Variants in ZNF385D observed in about 807,000 individuals in gnomAD.
ZNF385D encodes zinc finger protein 385D.
A neutral mutation model predicts 35.8 loss-of-function variants in ZNF385D; 15 were observed. That is an observed-to-expected ratio of 0.42 (90% confidence interval 0.28 to 0.64). ZNF385D has a LOEUF of 0.64. Among genes scored for constraint, ZNF385D ranks in the 30% least tolerant of loss-of-function variants. The pLI is 0.23. For missense variants in ZNF385D, 474 were observed against 494.6 expected (o/e 0.96, Z 0.39); for synonymous variants, 212 against 186.8 (o/e 1.13, Z -1.10).
At chr3:22,050,441 G>T (rs78078979) in intron 3 of ZNF385D, among the ~76,000 whole-genome samples, 28 of 152,238 alleles carry the variant, frequency 1.8e-4, no homozygotes, top group African/African-American at 6.5e-4. Context: ...AAAATGTTTG[G>T]TAGAATTAAG....
intron 3 of ZNF385D, among the ~76,000 whole-genome samples, chr3:22,098,853 T>C (rs1218120031): frequency 6.6e-6 from 1 of 151,990 alleles, no homozygotes; most frequent in Non-Finnish European, 1.5e-5. Context: ...AACAGGCGAA[T>C]ATAGAAAATA....
At chr3:21,924,932 A>G (rs1700649491) in intron 3 of ZNF385D, among the ~76,000 whole-genome samples, 1 of 152,136 alleles carries the variant, frequency 6.6e-6, no homozygotes, top group Non-Finnish European at 1.5e-5. Context: ...GTGTCAGAGG[A>G]AGCCAGCTAA....
chr3:22,006,178 T>C (rs1199244640), intron 3 of ZNF385D, among the ~76,000 whole-genome samples: 1 of 152,148 alleles, frequency 6.6e-6, no homozygotes, highest in Non-Finnish European at 1.5e-5. Context: ...GAACACATTT[T>C]AGATAAACCT....
intron 1 of ZNF385D, among the ~76,000 whole-genome samples, chr3:21,736,504 A>G (rs2069248914): frequency 6.6e-6 from 1 of 152,230 alleles, no homozygotes; most frequent in African/African-American, 2.4e-5. Context: ...CTTTGGTTTT[A>G]TAACTACCTT....
chr3:21,854,951 G>C (rs1696625931), intron 3 of ZNF385D, among the ~76,000 whole-genome samples: 1 of 151,858 alleles, frequency 6.6e-6, no homozygotes, highest in Non-Finnish European at 1.5e-5. Flanking sequence ...AATTCACTCA[G>C]CAAACATTAA....
intron 3 of ZNF385D, among the ~76,000 whole-genome samples, chr3:21,885,917 T>C (rs1347434073): frequency 6.6e-6 from 1 of 152,044 alleles, no homozygotes; most frequent in Non-Finnish European, 1.5e-5. Flanking sequence ...CTTTGTCTAT[T>C]AAGGTCTTCA....
chr3:22,095,631 C>T (rs1401524606), intron 3 of ZNF385D, among the ~76,000 whole-genome samples: 1 of 150,426 alleles, frequency 6.6e-6, no homozygotes, highest in Non-Finnish European at 1.5e-5. Flanking sequence ...TTCCTGAGTG[C>T]AGTGTATAAA....
chr3:22,187,651 A>T (rs1409860853), intron 2 of ZNF385D, among the ~76,000 whole-genome samples: 1 of 152,152 alleles, frequency 6.6e-6, no homozygotes, highest in Non-Finnish European at 1.5e-5. Flanking sequence ...ATTTAACATT[A>T]AACTTGAAAA....
chr3:22,288,028 A>G (rs1406666326), intron 2 of ZNF385D, among the ~76,000 whole-genome samples: 2 of 152,036 alleles, frequency 1.3e-5, no homozygotes, highest in East Asian at 3.9e-4. Context: ...CTGGCATATT[A>G]ATCTTGACAG....
chr3:22,128,830 T>A (rs1254084612), intron 3 of ZNF385D, among the ~76,000 whole-genome samples: 2 of 152,186 alleles, frequency 1.3e-5, no homozygotes, highest in Non-Finnish European at 2.9e-5. Flanking sequence ...CTGAGCTTCC[T>A]CAAAACAGCT....
chr3:22,073,130 T>C (rs908786804), intron 3 of ZNF385D, among the ~76,000 whole-genome samples: 17 of 151,974 alleles, frequency 1.1e-4, no homozygotes, highest in Non-Finnish European at 1.0e-4. Context: ...AGGCTGAAGG[T>C]GCCCTCAGAA....
At chr3:21,959,068 T>C (rs1446302331) in intron 3 of ZNF385D, 1 of 152,184 alleles carries the variant, frequency 6.6e-6, no homozygotes, top group African/African-American at 2.4e-5. Flanking sequence ...TTAATAAAGT[T>C]ACTTTTAAAG....
intron 1 of ZNF385D, among the ~76,000 whole-genome samples, chr3:21,720,561 A>T (rs944945487): frequency 6.6e-6 from 1 of 152,186 alleles, no homozygotes; most frequent in Non-Finnish European, 1.5e-5. Context: ...CTCAAAAAAA[A>T]TGCCAATTCT....
chr3:21,955,625 T>C (rs1702248072), intron 3 of ZNF385D, among the ~76,000 whole-genome samples: 5 of 152,170 alleles, frequency 3.3e-5, no homozygotes, highest in Admixed American at 3.3e-4. Flanking sequence ...TACCTAAATT[T>C]TGCAATCTGT....
chr3:22,269,655 A>C (rs1002740409), intron 2 of ZNF385D, among the ~76,000 whole-genome samples: 2 of 151,946 alleles, frequency 1.3e-5, no homozygotes, highest in Non-Finnish European at 2.9e-5. Context: ...AAGTAGGAAA[A>C]AGGACTTTTC....
At chr3:22,141,229 A>C (rs564391440) in intron 3 of ZNF385D, among the ~76,000 whole-genome samples, 1 of 152,154 alleles carries the variant, frequency 6.6e-6, no homozygotes, top group African/African-American at 2.4e-5. Flanking sequence ...AGATTTACCA[A>C]TTCTTCAGAG....
chr3:21,896,609 G>A (rs1559733062), intron 3 of ZNF385D, among the ~76,000 whole-genome samples: 1 of 152,070 alleles, frequency 6.6e-6, no homozygotes, highest in Admixed American at 6.6e-5. Flanking sequence ...TCCTATTTAG[G>A]AGGTACTTGA....
chr3:22,188,343 A>C (rs1316033193), intron 2 of ZNF385D, among the ~76,000 whole-genome samples: 1 of 152,176 alleles, frequency 6.6e-6, no homozygotes. Context: ...TCCTACCTAT[A>C]ATAGTCTTGC....
chr3:21,446,242 T>G (rs1269752596), intron 4 of ZNF385D, among the ~76,000 whole-genome samples: 1 of 152,126 alleles, frequency 6.6e-6, no homozygotes, highest in Non-Finnish European at 1.5e-5. Context: ...TTAACTGGTC[T>G]CAGCTCTAAA....
Sources: allele counts gnomAD v4.1 joint callset (sites outside exome capture counted in the v4.1 genomes callset), GRCh38; gene constraint gnomAD v4.1.1; transcripts MANE v1.5; gene names NCBI Gene and HGNC (gene_info 2026-07-23, HGNC 2026-07-21).